Variants in MET observed in about 807,000 individuals in gnomAD.
MET encodes MET proto-oncogene, receptor tyrosine kinase, also known as hepatocyte growth factor receptor.
In MET, 48 loss-of-function variants were observed where a neutral mutation model predicts 133.1. The ratio of observed to expected loss-of-function variants is 0.36; its 90% confidence interval spans 0.29 to 0.46. The LOEUF is 0.46. MET is among the 20% of genes least tolerant of loss of function. MET has a pLI of 1.00. For synonymous variants in MET, 628 were observed against 616.5 expected (o/e 1.02, Z -0.28); for missense variants, 1,442 against 1,695.9 (o/e 0.85, Z 2.63).
At chr7:116,713,268 G>A (rs543995572) in intron 2 of MET, among the ~76,000 whole-genome samples, 1 of 151,846 alleles carries the variant, frequency 6.6e-6, no homozygotes, top group Admixed American at 6.5e-5. Flanking sequence ...AATGGCGGGC[G>A]CCTGTAGTCC....
intron 11 of MET, among the ~76,000 whole-genome samples, chr7:116,769,442 TA>T (rs1008305534): frequency 3.3e-5 from 5 of 152,202 alleles, no homozygotes; most frequent in African/African-American, 1.2e-4. Flanking sequence ...CTATATGCTA[TA>T]ATTCCTAACT....
Position 116,699,461 on chromosome 7 carries a change from A to G in MET, c.377A>G (p.Tyr126Cys), listed in dbSNP as rs542267057. The change falls in exon 2 of 21, where the codon TAT becomes TGT. Residue 126 changes from tyrosine (Y) to cysteine (C), a missense_variant. Around this residue, in one of 6 missense-constraint regions of MET, gnomAD observed 762 missense variants for 792.4 expected, o/e 0.96. Coordinates refer to ENST00000397752, the MANE Select transcript of MET (RefSeq NM_000245.4). Reference sequence around the variant, plus strand: ...ATGGCTCTAGTTGTCGACACCTACTATGATGATCAACTCATTAGCTGTGGC... The same window carrying G: ...ATGGCTCTAGTTGTCGACACCTACTGTGATGATCAACTCATTAGCTGTGGC... ...INMALVVDTY[Y>C]DDQLISCGSV... is the part of the protein sequence containing the mutation. 3 of 1,614,030 alleles carry G rather than the reference A, an allele frequency of 1.9e-6. No individual in the cohort carries two copies. The highest frequency in any genetic ancestry group is 2.7e-5 in the African/African-American group (2 of 75,004).
intron 12 of MET, 68 bp from the exon 13 acceptor site, chr7:116,771,430 C>A (rs1351210098): frequency 6.3e-7 from 1 of 1,595,060 alleles, no homozygotes; most frequent in Non-Finnish European, 8.6e-7. Flanking sequence ...ACCCAAAGTG[C>A]TACAACCTGT....
intron 19 of MET, among the ~76,000 whole-genome samples, chr7:116,787,536 C>T (rs1398180577): frequency 6.6e-6 from 1 of 152,096 alleles, no homozygotes; most frequent in East Asian, 1.9e-4. Context: ...TGAGAGAGTG[C>T]AAGAGAGAGC....
At position 116,775,129 on chromosome 7, in the gene MET, G is replaced by C. The variant is rs746091644; in HGVS notation, c.3259+18G>C. The C allele has an allele frequency of 1.1e-5, 18 of 1,611,500 alleles. No homozygotes were observed. In the East Asian group the frequency reaches 3.6e-4, roughly 32 times the overall value. On this transcript the variant is annotated intron_variant, in intron 15 of 20. Transcript: ENST00000397752. ...AGGAAGAGGTAAGTATTTCCACTCA[G>C]CTTTTTGTTAAATACGATTTTCCAG...
chr7:116,783,592 T>C lies in MET; in HGVS notation c.3798+123T>C, dbSNP rs528806881. 7.6e-4 allele frequency: 738 copies of C among 970,078 alleles called. 1 individual carries two copies. The highest frequency in any genetic ancestry group is 3.7e-3 in the Middle Eastern group (15 of 4,034). The allele number at this position is 970,078 out of a possible 1,614,324, so 60.1% of individuals were successfully genotyped here. On this transcript the variant is annotated intron_variant, in intron 19 of 20. Transcript: ENST00000397752. Reference sequence around the variant, plus strand: ...ACCACCAATTCCAGTTTTCTTCATATGTAAAAATGGACTTGTCTGATACGT... The same window carrying C: ...ACCACCAATTCCAGTTTTCTTCATACGTAAAAATGGACTTGTCTGATACGT...
rs114615446 is a variant in MET at position 116,731,175 on chromosome 7, T to C, written c.1201-493T>C. On this transcript the variant is annotated intron_variant, in intron 2 of 20. Coordinates refer to ENST00000397752, the MANE Select transcript of MET (RefSeq NM_000245.4). ...CCAGGATTTGATGCCAGCACTTGGG[T>C]CAGTGCTCTGTGGCCTCCCAGTGAG... Among the ~76,000 whole-genome samples, 821 of 152,298 alleles carry C rather than the reference T, an allele frequency of 5.4e-3. 7 individuals carry two copies. The highest frequency in any genetic ancestry group is 0.019 in the African/African-American group (769 of 41,556).
At position 116,796,241 on chromosome 7, in the gene MET, T is replaced by C; in HGVS notation, c.*117T>C. The C allele has an allele frequency of 1.1e-6, 1 of 906,970 alleles. No homozygotes were observed. Among genetic ancestry groups the C allele is most frequent in the East Asian group, 2.4e-5 (1 of 41,576 alleles). The allele number at this position is 906,970 out of a possible 1,614,324, so 56.2% of individuals were successfully genotyped here. On this transcript the variant is annotated 3_prime_UTR_variant, in exon 21 of 21. Transcript: ENST00000397752. ...TGCCAAAATTGCACTATTATAGGACTTGTATTGTTATTTAAATTACTGGAT... is the reference window on the plus strand; with the variant it reads ...TGCCAAAATTGCACTATTATAGGACCTGTATTGTTATTTAAATTACTGGAT...
At chr7:116,700,469 A>T (rs983910802) in intron 2 of MET, among the ~76,000 whole-genome samples, 185 bp downstream of exon 2, 8 of 141,996 alleles carry the variant, frequency 5.6e-5, no homozygotes, top group African/African-American at 2.0e-4. Flanking sequence ...TTATATCTTT[A>T]AAATGTAAAT....
In MET at chr7:116,699,832, G is replaced by A. The variant is rs2116596826; in HGVS notation, c.748G>A (p.Val250Ile). Residue 250 changes from valine to isoleucine, a missense_variant, in exon 2 of 21, where the codon GTC (valine) becomes ATC (isoleucine). Val to Ile is a conservative substitution (Grantham distance 29). Around this residue, in one of 6 missense-constraint regions of MET, gnomAD observed 762 missense variants for 792.4 expected, o/e 0.96. Coordinates refer to ENST00000397752, the MANE Select transcript of MET (RefSeq NM_000245.4). Reference protein sequence around the residue: ...EFRDSYPIKYVHAFESNNFIY... With the variant: ...EFRDSYPIKYIHAFESNNFIY... Reference sequence around the variant, plus strand: ...CAGAGATTCTTACCCCATTAAGTATGTCCATGCCTTTGAAAGCAACAATTT... The same window carrying A: ...CAGAGATTCTTACCCCATTAAGTATATCCATGCCTTTGAAAGCAACAATTT... The A allele has an allele frequency of 1.2e-6, 2 of 1,614,080 alleles. No homozygotes were observed. Among genetic ancestry groups the A allele is most frequent in the South Asian group, 1.1e-5 (1 of 91,072 alleles).
chr7:116,745,748 T>C (rs1026822474), intron 5 of MET, among the ~76,000 whole-genome samples: 1 of 152,170 alleles, frequency 6.6e-6, no homozygotes, highest in Non-Finnish European at 1.5e-5. Flanking sequence ...TGAAACTGGA[T>C]CCCTTCCTTA....
At chr7:116,700,334 A>G (rs978604201) in intron 2 of MET, 50 bp downstream of exon 2, 36 of 1,571,508 alleles carry the variant, frequency 2.3e-5, no homozygotes, top group Admixed American at 3.7e-5. Flanking sequence ...TAAATTAGAA[A>G]TAAGTATCAG....
intron 19 of MET, among the ~76,000 whole-genome samples, chr7:116,783,962 C>T (rs1375326249): frequency 6.6e-6 from 1 of 152,216 alleles, no homozygotes; most frequent in Non-Finnish European, 1.5e-5. Flanking sequence ...AGAACAAGCT[C>T]TCAAAAGGCA....
intron 15 of MET, among the ~76,000 whole-genome samples, chr7:116,775,740 A>G (rs901725755): frequency 2.4e-4 from 36 of 151,656 alleles, no homozygotes; most frequent in African/African-American, 8.2e-4. Context: ...AATAAATATC[A>G]CTCCTTTAAT....
At chr7:116,705,511 G>A (rs1040758056) in intron 2 of MET, among the ~76,000 whole-genome samples, 1 of 152,036 alleles carries the variant, frequency 6.6e-6, no homozygotes, top group African/African-American at 2.4e-5. Context: ...TTTACTTATT[G>A]TGCTCAAAAA....
intron 1 of MET, among the ~76,000 whole-genome samples, chr7:116,695,024 C>G (rs1034259745): frequency 6.6e-6 from 1 of 152,188 alleles, no homozygotes; most frequent in Non-Finnish European, 1.5e-5. Context: ...CTTCACACTG[C>G]ATTAATGGAC....
intron 2 of MET, among the ~76,000 whole-genome samples, chr7:116,720,415 A>G (rs1792434540): frequency 1.4e-5 from 2 of 143,706 alleles, no homozygotes; most frequent in Admixed American, 7.0e-5. Context: ...TAGATATACA[A>G]TCATGTCGTC....
intron 14 of MET, among the ~76,000 whole-genome samples, chr7:116,774,420 T>A (rs868084131): frequency 6.6e-6 from 1 of 152,252 alleles, no homozygotes; most frequent in Non-Finnish European, 1.5e-5. Flanking sequence ...TAATCATATG[T>A]GTATTTTTCC....
chr7:116,753,517 A>G (rs1227854767), intron 5 of MET, among the ~76,000 whole-genome samples: 1 of 149,754 alleles, frequency 6.7e-6, no homozygotes, highest in Non-Finnish European at 1.5e-5. Flanking sequence ...ACCAAGGTTT[A>G]TCAATAAATC....
Sources: gnomAD v4.1 joint callset for allele counts (sites outside exome capture counted in the v4.1 genomes callset) on GRCh38, gnomAD v4.1.1 for gene constraint, gnomAD v4.1.1 regional missense constraint, MANE v1.5 for transcripts, NCBI Gene and HGNC (gene_info 2026-07-23, HGNC 2026-07-21) for gene names.